ZFPM2: variants seen among roughly 807,000 people sequenced by gnomAD.
ZFPM2 encodes the protein zinc finger protein ZFPM2.
In ZFPM2, 20 loss-of-function variants were observed where a neutral mutation model predicts 98.6. The observed-to-expected ratio is 0.20, with a 90% CI of 0.14 to 0.29. ZFPM2 has a LOEUF of 0.29. Among genes scored for constraint, ZFPM2 ranks in the 10% least tolerant of loss-of-function variants. The pLI is 1.00. For missense variants in ZFPM2, 1,310 were observed against 1,388.6 expected, an observed-to-expected ratio of 0.94 and a Z score of 0.90; for synonymous variants, 518 against 502.7, an observed-to-expected ratio of 1.03 and a Z score of -0.41.
At chr8:105,415,830 A>C (rs1316151883) in intron 1 of ZFPM2, among the ~76,000 whole-genome samples, 5 of 152,108 alleles carry the variant, frequency 3.3e-5, no homozygotes, top group Non-Finnish European at 5.9e-5. Context: ...TCACATTTTA[A>C]AGTACAGTAA....
At chr8:105,469,780 C>A (rs1201413627) in intron 3 of ZFPM2, among the ~76,000 whole-genome samples, 1 of 152,182 alleles carries the variant, frequency 6.6e-6, no homozygotes, top group East Asian at 1.9e-4. Flanking sequence ...TGATGGGATT[C>A]TGTTATTAAG....
intron 5 of ZFPM2, among the ~76,000 whole-genome samples, chr8:105,748,591 C>CTTTTG (rs1812404134): frequency 6.6e-6 from 1 of 151,940 alleles, no homozygotes; most frequent in African/African-American, 2.4e-5. Context: ...TGATGATTTG[C>CTTTTG]TTTTGTTTTG....
rs575012260 is a variant in ZFPM2, at chr8:105,340,970, C to A, written c.40+21989C>A. ...GTTGATGGGAGACATAAATTAATAT[C>A]TTTCTTTGAAAAATGGAGAGGAACC... On this transcript the variant is annotated intron_variant, in intron 1 of 7. Coordinates refer to ENST00000407775, the MANE Select transcript of ZFPM2 (RefSeq NM_012082.4). 1.8e-3 allele frequency among the ~76,000 whole-genome samples: 276 copies of A among 152,000 alleles called. 1 individual carries two copies. Among genetic ancestry groups the A allele is most frequent in the African/African-American group, 6.4e-3 (265 of 41,516 alleles).
chr8:105,435,447 A>G (rs544670331), intron 2 of ZFPM2, among the ~76,000 whole-genome samples: 1 of 152,304 alleles, frequency 6.6e-6, no homozygotes, highest in African/African-American at 2.4e-5. Context: ...AAAAATTTAG[A>G]AAGTAAATGA....
intron 1 of ZFPM2, among the ~76,000 whole-genome samples, chr8:105,407,059 T>C (rs146176018): frequency 2.6e-5 from 4 of 151,068 alleles, no homozygotes; most frequent in Non-Finnish European, 4.4e-5. Context: ...TCAGAAAGCA[T>C]AGGGCCACAG....
rs375563021 is a variant in ZFPM2 at position 105,620,102 on chromosome 8, G to A, written c.421-14144G>A. On this transcript the variant is annotated intron_variant, in intron 4 of 7. Transcript: ENST00000407775. ...TCTAGTTCTAGATCCTTGAGGAATCGCCACACTGTCTTCCACAATGGTTGA... is the reference window on the plus strand; with the variant it reads ...TCTAGTTCTAGATCCTTGAGGAATCACCACACTGTCTTCCACAATGGTTGA... 3.2e-4 allele frequency among the ~76,000 whole-genome samples: 48 copies of A among 152,196 alleles called. 1 individual carries two copies. The highest frequency in any genetic ancestry group is 2.7e-3 in the East Asian group (14 of 5,176).
intron 5 of ZFPM2, among the ~76,000 whole-genome samples, chr8:105,723,306 A>C (rs1563537228): frequency 6.6e-6 from 1 of 151,834 alleles, no homozygotes; most frequent in East Asian, 2.0e-4. Context: ...CTTTTTCTAT[A>C]ACAATGACGG....
rs867014196 is a variant in ZFPM2, at chr8:105,462,821, A to G, written c.301+18440A>G. Among the ~76,000 whole-genome samples the G allele has an allele frequency of 2.3e-4, 35 of 152,234 alleles. No individual in the cohort carries two copies. The East Asian group carries it at 2.9e-3, about 13-fold the overall frequency. On this transcript the variant is annotated intron_variant, in intron 3 of 7. Coordinates refer to ENST00000407775, the MANE Select transcript of ZFPM2 (RefSeq NM_012082.4). ...TTCTTTAATTTCTGAATGGCCAAAG[A>G]AATAGCGAATCCGTTTGTATCTATG...
At chr8:105,494,865 A>T (rs1218053814) in intron 3 of ZFPM2, among the ~76,000 whole-genome samples, 1 of 152,226 alleles carries the variant, frequency 6.6e-6, no homozygotes, top group South Asian at 2.1e-4. Context: ...AAAGGATACC[A>T]TGTTGGTTCT....
intron 1 of ZFPM2, among the ~76,000 whole-genome samples, chr8:105,397,729 TACA>T (rs1255010255): frequency 6.6e-6 from 1 of 152,174 alleles, no homozygotes; most frequent in Non-Finnish European, 1.5e-5. Context: ...TTGTGCCATA[TACA>T]AGACTTATAC....
intron 3 of ZFPM2, among the ~76,000 whole-genome samples, chr8:105,458,279 A>G (rs1812637829): frequency 6.6e-6 from 1 of 152,222 alleles, no homozygotes; most frequent in African/African-American, 2.4e-5. Context: ...AAAAGAGCAT[A>G]TTTCATCTTA....
chr8:105,448,809 G>C (rs540217772), intron 3 of ZFPM2, among the ~76,000 whole-genome samples: 6 of 152,068 alleles, frequency 3.9e-5, no homozygotes, highest in Non-Finnish European at 7.4e-5. Flanking sequence ...ACTTGGGAGA[G>C]AATAGGACTT....
At chr8:105,433,327 A>G (rs1812056352) in intron 2 of ZFPM2, among the ~76,000 whole-genome samples, 1 of 152,212 alleles carries the variant, frequency 6.6e-6, no homozygotes, top group Admixed American at 6.5e-5. Flanking sequence ...AGCAGGGATA[A>G]ATATTCAGTA....
chr8:105,443,803 G>C (rs1168713274), intron 2 of ZFPM2, among the ~76,000 whole-genome samples: 1 of 152,130 alleles, frequency 6.6e-6, no homozygotes, highest in Non-Finnish European at 1.5e-5. Flanking sequence ...CCCAGTCTTA[G>C]CGAGCATAAA....
At chr8:105,548,824 A>T (rs1454983424) in intron 3 of ZFPM2, among the ~76,000 whole-genome samples, 3 of 152,126 alleles carry the variant, frequency 2.0e-5, no homozygotes, top group Admixed American at 6.6e-5. Context: ...TCACCATTAG[A>T]GTAAGTCACA....
rs1812250647 is a variant in ZFPM2 at position 105,742,792 on chromosome 8, C to T, written c.533-45926C>T. 2.0e-5 allele frequency among the ~76,000 whole-genome samples: 3 copies of T among 152,136 alleles called. No homozygotes were observed. The South Asian group carries it at 6.2e-4, about 32-fold the overall frequency. On this transcript the variant is annotated intron_variant, in intron 5 of 7. Coordinates refer to ENST00000407775, the MANE Select transcript of ZFPM2 (RefSeq NM_012082.4). ...CCTGTGATCCCAGCCACTCTGGAGG[C>T]TGAGGCAGGAGAATTGCTTGAGGCA... is the stretch of plus-strand genomic sequence containing the variant.
At chr8:105,460,219 A>ACC (rs1384698525) in intron 3 of ZFPM2, among the ~76,000 whole-genome samples, 1 of 152,218 alleles carries the variant, frequency 6.6e-6, no homozygotes, top group Non-Finnish European at 1.5e-5. Context: ...ACACCAAAAC[A>ACC]TAGCAAGCAA....
intron 5 of ZFPM2, among the ~76,000 whole-genome samples, chr8:105,714,082 A>G (rs188212687): frequency 1.5e-4 from 23 of 152,194 alleles, no homozygotes; most frequent in African/African-American, 5.1e-4. Context: ...GATTCTTCCA[A>G]TCCATGAGCA....
At chr8:105,796,185 T>C (rs1159223085) in intron 6 of ZFPM2, among the ~76,000 whole-genome samples, 1 of 151,688 alleles carries the variant, frequency 6.6e-6, no homozygotes, top group African/African-American at 2.4e-5. Flanking sequence ...TTTACTTTGA[T>C]TCTGATAGTG....
Sources: allele counts gnomAD v4.1 joint callset (sites outside exome capture counted in the v4.1 genomes callset), GRCh38; gene constraint gnomAD v4.1.1; transcripts MANE v1.5; gene names NCBI Gene and HGNC (gene_info 2026-07-23, HGNC 2026-07-21).